Variants in KLF15 observed in about 807,000 individuals in gnomAD.
The protein encoded by KLF15 is KLF transcription factor 15.
Under a neutral mutation model 24.6 loss-of-function variants are expected in KLF15, and 4 were observed. The ratio of observed to expected loss-of-function variants is 0.16; its 90% CI spans 0.08 to 0.37. The LOEUF (loss-of-function observed/expected upper bound fraction) is 0.37, where lower values mean the gene tolerates loss of function less well. KLF15 is among the 10% of genes least tolerant of loss of function. KLF15 has a pLI of 1.00. For missense variants in KLF15, 496 were observed against 560.6 expected (o/e 0.88, Z 1.16); for synonymous variants, 246 against 236.3 (o/e 1.04, Z -0.37).
chr3:126,307,155 G>A, the KLF15 span, among the ~76,000 whole-genome samples: 15 of 152,220 alleles, frequency 9.9e-5, no homozygotes, highest in Non-Finnish European at 2.1e-4. Context: ...AGCAGTACCC[G>A]TCAGCCTTCA....
intron 2 of KLF15, among the ~76,000 whole-genome samples, chr3:126,349,421 G>A (rs1203135597): frequency 3.3e-5 from 5 of 152,168 alleles, no homozygotes; most frequent in Non-Finnish European, 1.5e-5. Context: ...CTCTTGCCAA[G>A]TGGGTCCTGG....
chr3:126,356,250 A>T lies in KLF15; in HGVS notation c.-26+987T>A, dbSNP rs2082631649. ...AGTCGCAGAGTCCGGGCGTCCTCAC[A>T]CCTGTAGGGCGGCAGGGTCTCCCCA... is the stretch of plus-strand genomic sequence containing the variant. On this transcript the variant is annotated intron_variant, in intron 1 of 2. Coordinates refer to ENST00000296233, the MANE Select transcript of KLF15 (RefSeq NM_014079.4). This position sits in a 1 kb window ranked among gnomAD's most constrained non-coding sequence, Gnocchi z 4.4. Among the ~76,000 whole-genome samples the T allele has an allele frequency of 6.6e-6, 1 of 151,970 alleles. No individual in the cohort carries two copies. The highest frequency in any genetic ancestry group is 1.5e-5 in the Non-Finnish European group (1 of 67,950).
the KLF15 span, among the ~76,000 whole-genome samples, chr3:126,296,298 C>T: frequency 1.3e-5 from 2 of 152,186 alleles, no homozygotes; most frequent in Non-Finnish European, 2.9e-5. Flanking sequence ...AGCTCCACCT[C>T]CCAGGTTCAC....
At position 126,352,765 on chromosome 3, in the gene KLF15, G is replaced by A. The variant is rs1297649498; in HGVS notation, c.158C>T (p.Ser53Phe). The change falls in exon 2 of 3, where the codon TCC becomes TTC. Residue 53 changes from serine to phenylalanine, a missense_variant. By Grantham distance (155) the Ser-to-Phe change is radical. Around this residue, in one of 3 missense-constraint regions of KLF15, gnomAD observed 399 missense variants for 423.1 expected, o/e 0.94. Coordinates refer to ENST00000296233, the MANE Select transcript of KLF15 (RefSeq NM_014079.4). ...DSDASSPCSC[S>F]SPDSQALCSC... ...GCAGAGGGCTTGAGAGTCGGGACTG[G>A]AACAGGAGCAGGGGCTGGAGGCATC... The A allele has an allele frequency of 1.9e-6, 3 of 1,575,180 alleles. No individual in the cohort carries two copies. In the African/African-American group the frequency reaches 4.1e-5, roughly 21 times the overall value.
intron 1 of KLF15, among the ~76,000 whole-genome samples, chr3:126,355,442 G>T (rs997572060): frequency 6.6e-6 from 1 of 152,164 alleles, no homozygotes; most frequent in African/African-American, 2.4e-5. Context: ...GCCTCAGCCC[G>T]GGGCCACTGC....
chr3:126,333,782 A>G, the KLF15 span, among the ~76,000 whole-genome samples: 1 of 132,036 alleles, frequency 7.6e-6, no homozygotes, highest in Non-Finnish European at 1.6e-5. Flanking sequence ...CTAGTCTCTG[A>G]TAAAACAGAC....
intron 2 of KLF15, among the ~76,000 whole-genome samples, chr3:126,347,494 G>A (rs1371756431): frequency 1.3e-5 from 2 of 152,206 alleles, no homozygotes; most frequent in Non-Finnish European, 2.9e-5. Context: ...ATCCACTGTG[G>A]ACGACAAAAG....
chr3:126,342,022 G>A (rs115420607), downstream of KLF15, among the ~76,000 whole-genome samples: 891 of 152,244 alleles, frequency 5.9e-3, 5 homozygotes, highest in African/African-American at 0.019. Flanking sequence ...AGCACAGGAC[G>A]TGTGGATGGG....
chr3:126,338,989 G>A (rs1284549559), downstream of KLF15, among the ~76,000 whole-genome samples: 2 of 152,204 alleles, frequency 1.3e-5, no homozygotes, highest in East Asian at 1.9e-4. Flanking sequence ...GACCGGCTGC[G>A]ATCTCTATCA....
At chr3:126,322,072 C>T in the KLF15 span, among the ~76,000 whole-genome samples, 246 of 152,248 alleles carry the variant, frequency 1.6e-3, no homozygotes, top group Admixed American at 2.7e-3. Flanking sequence ...CCCTGGTCAC[C>T]GATTTTAGAC....
rs538308494 is a variant in KLF15 at position 126,356,397 on chromosome 3, G to C, written c.-26+840C>G. On this transcript the variant is annotated intron_variant, in intron 1 of 2. Coordinates refer to ENST00000296233, the MANE Select transcript of KLF15 (RefSeq NM_014079.4). This position sits in a 1 kb window ranked among gnomAD's most constrained non-coding sequence, Gnocchi z 4.4. ...CCCTCTGTGCCCTCCGTGAGAGGGG[G>C]GTTCCATGAGTAACACCAAGGCGGG... Among the ~76,000 whole-genome samples the C allele has an allele frequency of 6.6e-6, 1 of 152,174 alleles. No individual in the cohort carries two copies. Among genetic ancestry groups the C allele is most frequent in the Admixed American group, 6.5e-5 (1 of 15,284 alleles).
chr3:126,298,327 G>A, the KLF15 span, among the ~76,000 whole-genome samples: 2 of 144,194 alleles, frequency 1.4e-5, no homozygotes, highest in African/African-American at 5.2e-5. Context: ...TGATTTGTTT[G>A]ATTTCCTTGC....
the KLF15 span, among the ~76,000 whole-genome samples, chr3:126,294,701 C>T: frequency 6.6e-6 from 1 of 152,082 alleles, no homozygotes; most frequent in African/African-American, 2.4e-5. Flanking sequence ...AGCTCAAGAA[C>T]GAGCCTTGCA....
chr3:126,306,396 A>C, the KLF15 span, among the ~76,000 whole-genome samples: 2 of 152,078 alleles, frequency 1.3e-5, no homozygotes, highest in African/African-American at 4.8e-5. Context: ...GCTGTTCCCC[A>C]CCCCTAAGAT....
Position 126,343,864 on chromosome 3 carries a change from T to G in KLF15, c.1114A>C (p.Arg372=). Residue 372 remains arginine (R), a synonymous_variant, in exon 3 of 3, where the codon AGG becomes CGG. Coordinates refer to ENST00000296233, the MANE Select transcript of KLF15 (RefSeq NM_014079.4). ...FSRSDELSRH[R]RSHSGVKPYQ... is the part of the protein sequence containing the mutation. ...GGCTTCACACCTGAGTGCGAGCGCCTGTGCCGCGACAGCTCGTCAGAGCGC... is the reference window on the plus strand; with the variant it reads ...GGCTTCACACCTGAGTGCGAGCGCCGGTGCCGCGACAGCTCGTCAGAGCGC... 1 of 1,600,810 alleles carries G rather than the reference T, an allele frequency of 6.2e-7. No homozygotes were observed. Among genetic ancestry groups the G allele is most frequent in the South Asian group, 1.1e-5 (1 of 89,832 alleles).
the KLF15 span, among the ~76,000 whole-genome samples, chr3:126,318,422 A>G: frequency 4.6e-5 from 7 of 152,140 alleles, no homozygotes; most frequent in South Asian, 1.5e-3. Context: ...CTTCCTTTAC[A>G]TTGATCCTAA....
chr3:126,310,005 C>T, the KLF15 span, among the ~76,000 whole-genome samples: 1 of 152,242 alleles, frequency 6.6e-6, no homozygotes, highest in Non-Finnish European at 1.5e-5. Context: ...AACAGAAATG[C>T]ATTTCTCCCA....
the KLF15 span, among the ~76,000 whole-genome samples, chr3:126,309,905 C>T: frequency 6.6e-6 from 1 of 152,236 alleles, no homozygotes; most frequent in Non-Finnish European, 1.5e-5. Context: ...GCCATTTGAG[C>T]AACAAGGTAT....
chr3:126,340,405 A>T (rs1180739333), downstream of KLF15, among the ~76,000 whole-genome samples: 1 of 152,230 alleles, frequency 6.6e-6, no homozygotes, highest in Non-Finnish European at 1.5e-5. Flanking sequence ...GCCAAGGGGC[A>T]TTGGAGGAGC....
Sources: gnomAD v4.1 joint callset for allele counts (sites outside exome capture counted in the v4.1 genomes callset) on GRCh38, gnomAD v4.1.1 for gene constraint, gnomAD v4.1.1 regional missense constraint, Gnocchi (gnomAD v3.1) non-coding constraint, MANE v1.5 for transcripts, NCBI Gene and HGNC (gene_info 2026-07-23, HGNC 2026-07-21) for gene names.